Variants in GRM5 observed in about 807,000 individuals in gnomAD.
GRM5 encodes the protein metabotropic glutamate receptor 5.
In GRM5, 19 loss-of-function variants were observed where a neutral mutation model predicts 83.1. The observed-to-expected ratio is 0.23, with a 90% CI of 0.16 to 0.34. GRM5 has a LOEUF of 0.34. Ranked by LOEUF, GRM5 falls within the 10% of genes least tolerant of loss-of-function variation. GRM5 has a pLI of 1.00. For synonymous variants in GRM5, 675 were observed against 633.6 expected (o/e 1.07, Z -0.98); for missense variants, 1,160 against 1,588.3 (o/e 0.73, Z 4.58).
At chr11:89,041,754 G>A (rs868049789) in intron 2 of GRM5, among the ~76,000 whole-genome samples, 1 of 152,124 alleles carries the variant, frequency 6.6e-6, no homozygotes, top group Non-Finnish European at 1.5e-5. Flanking sequence ...AATTAGAGTT[G>A]CCCACTGTGT....
intron 3 of GRM5, among the ~76,000 whole-genome samples, chr11:88,795,384 G>A (rs1192895952): frequency 6.6e-6 from 1 of 152,084 alleles, no homozygotes; most frequent in Non-Finnish European, 1.5e-5. Context: ...ACATCATAAA[G>A]GAAAGGCTTG....
chr11:88,663,706 T>C (rs1939963832), intron 3 of GRM5, among the ~76,000 whole-genome samples: 1 of 152,160 alleles, frequency 6.6e-6, no homozygotes, highest in Non-Finnish European at 1.5e-5. Flanking sequence ...GTGCTTAGAG[T>C]TTCCTGTTAC....
intron 8 of GRM5, among the ~76,000 whole-genome samples, chr11:88,554,918 C>T (rs1942591283): frequency 6.6e-6 from 1 of 152,100 alleles, no homozygotes. Context: ...CCAGCAATGT[C>T]CTAGAGTTTA....
intron 1 of GRM5, among the ~76,000 whole-genome samples, chr11:89,053,545 C>T (rs189794017): frequency 7.2e-5 from 11 of 152,116 alleles, no homozygotes; most frequent in African/African-American, 2.2e-4. Context: ...CCTTCTATGC[C>T]CCAAGGATCC....
At chr11:88,683,799 A>T (rs934845236) in intron 3 of GRM5, among the ~76,000 whole-genome samples, 2 of 152,246 alleles carry the variant, frequency 1.3e-5, no homozygotes, top group African/African-American at 2.4e-5. Context: ...ATATATGATA[A>T]GAGATAAGAA....
At chr11:88,636,192 C>A (rs1010204184) in intron 4 of GRM5, among the ~76,000 whole-genome samples, 6 of 152,082 alleles carry the variant, frequency 3.9e-5, no homozygotes, top group African/African-American at 1.4e-4. Context: ...CTTTCCTGAC[C>A]ACAGGGAAAA....
chr11:88,993,244 G>GGACA (rs1262060367), intron 2 of GRM5, among the ~76,000 whole-genome samples: 2 of 127,358 alleles, frequency 1.6e-5, no homozygotes, highest in Non-Finnish European at 3.2e-5. Context: ...CCAGCCTGGA[G>GGACA]GACAGAGTGA....
Position 88,711,066 on chromosome 11 carries a change from AATCACTAGTGATAGTGC to A in GRM5, c.912-57680_912-57664del, listed in dbSNP as rs1941269511. Among the ~76,000 whole-genome samples the A allele has an allele frequency of 2.0e-5, 3 of 152,070 alleles. No homozygotes were observed. The South Asian group carries it at 6.2e-4, about 32-fold the overall frequency. ...TAAAGGTGTCAGCAAGGTGCAATGA[AATCACTAGTGATAGTGC>A]ACCATTGGGGCCTACTTACCAGACC... On this transcript the variant is annotated intron_variant, in intron 3 of 9. Coordinates refer to ENST00000305447, the MANE Select transcript of GRM5 (RefSeq NM_001143831.3).
chr11:88,998,590 C>G (rs1940269561), intron 2 of GRM5, among the ~76,000 whole-genome samples: 1 of 151,940 alleles, frequency 6.6e-6, no homozygotes, highest in Admixed American at 6.6e-5. Flanking sequence ...GTGCAACAGG[C>G]AATATAAGTA....
At chr11:88,793,290 T>C (rs1943212099) in intron 3 of GRM5, among the ~76,000 whole-genome samples, 1 of 152,198 alleles carries the variant, frequency 6.6e-6, no homozygotes, top group Admixed American at 6.6e-5. Flanking sequence ...TTGTTTCAAT[T>C]AATTTTAACC....
At chr11:88,562,810 C>G (rs565701747) in intron 8 of GRM5, among the ~76,000 whole-genome samples, 1 of 152,236 alleles carries the variant, frequency 6.6e-6, no homozygotes, top group South Asian at 2.1e-4. Flanking sequence ...GGCTAAATGT[C>G]ACTTTCCCAT....
chr11:88,674,281 C>T (rs1940267803), intron 3 of GRM5, among the ~76,000 whole-genome samples: 1 of 151,892 alleles, frequency 6.6e-6, no homozygotes. Flanking sequence ...GTGAGTCTCT[C>T]ATCCTACAGG....
chr11:88,678,758 A>G (rs962690234), intron 3 of GRM5, among the ~76,000 whole-genome samples: 2 of 152,192 alleles, frequency 1.3e-5, no homozygotes, highest in Non-Finnish European at 2.9e-5. Flanking sequence ...AAAGAATTCC[A>G]TGAATAGTGA....
chr11:88,716,868 TATGCC>T (rs1941411208), intron 3 of GRM5, among the ~76,000 whole-genome samples: 1 of 151,972 alleles, frequency 6.6e-6, no homozygotes, highest in African/African-American at 2.4e-5. Context: ...TATTCTAGCA[TATGCC>T]TTAGTGACCA....
At chr11:88,858,813 C>T (rs538119847) in intron 2 of GRM5, among the ~76,000 whole-genome samples, 3 of 151,780 alleles carry the variant, frequency 2.0e-5, no homozygotes, top group Admixed American at 1.3e-4. Flanking sequence ...AGTAGAAATG[C>T]CAAGTAGGAA....
At chr11:89,058,931 AATG>A (rs1941931508) in intron 1 of GRM5, among the ~76,000 whole-genome samples, 1 of 152,172 alleles carries the variant, frequency 6.6e-6, no homozygotes, top group Non-Finnish European at 1.5e-5. Context: ...TTTTTAAACA[AATG>A]ATATAATAGT....
rs759966881 is a variant in GRM5 at position 88,604,970 on chromosome 11, G to T, written c.1148-6C>A. ...TGTTTTCAGAGTCAGAGAACCTGTT[G>T]GGAAACAAATTAAGCATAGCTTTGA... On this transcript the variant is annotated splice_region_variant and splice_polypyrimidine_tract_variant and intron_variant, in intron 4 of 9. Transcript: ENST00000305447. The T allele has an allele frequency of 3.7e-6, 6 of 1,609,856 alleles. No homozygotes were observed. The Admixed American group carries it at 8.3e-5, about 22-fold the overall frequency.
At chr11:88,953,426 T>C (rs612781) in intron 2 of GRM5, among the ~76,000 whole-genome samples, 3 of 152,052 alleles carry the variant, frequency 2.0e-5, no homozygotes, top group Admixed American at 2.0e-4. Context: ...TACTTTATCA[T>C]GTTTTTTTCT....
At chr11:88,838,614 G>T (rs1969046) in intron 3 of GRM5, among the ~76,000 whole-genome samples, 2 of 151,948 alleles carry the variant, frequency 1.3e-5, no homozygotes, top group African/African-American at 2.4e-5. Context: ...ATTATTTAAT[G>T]AACCTTTAAA....
Sources: gnomAD v4.1 joint callset for allele counts (sites outside exome capture counted in the v4.1 genomes callset) on GRCh38, gnomAD v4.1.1 for gene constraint, MANE v1.5 for transcripts, NCBI Gene and HGNC (gene_info 2026-07-23, HGNC 2026-07-21) for gene names.